Variants in ANKLE2 observed in about 807,000 individuals in gnomAD.
ANKLE2 encodes ankyrin repeat and LEM domain containing 2, also known as ankyrin repeat and LEM domain-containing protein 2.
A neutral mutation model predicts 84.2 loss-of-function variants in ANKLE2; 55 were observed. The ratio of observed to expected loss-of-function variants is 0.65; its 90% CI spans 0.53 to 0.82. The LOEUF is 0.82. ANKLE2 is among the 40% of genes least tolerant of loss of function. ANKLE2 has a pLI of 0.00. For missense variants in ANKLE2, 1,238 were observed against 1,201.9 expected (o/e 1.03, Z -0.44); for synonymous variants, 551 against 486.1 (o/e 1.13, Z -1.76).
intron 5 of ANKLE2, among the ~76,000 whole-genome samples, chr12:132,744,575 G>T (rs1201468327): frequency 1.3e-5 from 2 of 151,964 alleles, no homozygotes; most frequent in Admixed American, 6.6e-5. Flanking sequence ...TCTCTCACAC[G>T]ACCCCAAAAA....
At chr12:132,727,471 C>G in intron 12 of ANKLE2, 28 bp from the exon 13 acceptor site, 2 of 1,549,102 alleles carry the variant, frequency 1.3e-6, no homozygotes, top group Non-Finnish European at 1.7e-6. Flanking sequence ...GAACTGTTAG[C>G]AGACGGGCAC....
intron 8 of ANKLE2, 137 bp from the exon 9 acceptor site, chr12:132,735,649 C>T: frequency 2.9e-6 from 2 of 683,390 alleles, no homozygotes; most frequent in East Asian, 2.7e-5. Flanking sequence ...TAGCAGATCC[C>T]TGGGCCACGT....
intron 5 of ANKLE2, among the ~76,000 whole-genome samples, chr12:132,746,574 A>G (rs913838569): frequency 6.6e-6 from 1 of 152,080 alleles, no homozygotes; most frequent in Non-Finnish European, 1.5e-5. Flanking sequence ...CAACTGCCCA[A>G]TTGTTGTACT....
rs1566024995 is a variant in ANKLE2, at chr12:132,743,286, G to GGTGC, written c.1231-14_1231-11dup. On this transcript the variant is annotated splice_polypyrimidine_tract_variant and intron_variant, in intron 5 of 12. Coordinates refer to ENST00000357997, the MANE Select transcript of ANKLE2 (RefSeq NM_015114.3). This position sits in a 1 kb window ranked among gnomAD's most constrained non-coding sequence, Gnocchi z 4.1. ...ACGGTGTGTCATAGCCCTGAAAAAA[G>GGTGC]GTGCAGAGGAAGTACAATTATTCAC... The GGTGC allele has an allele frequency of 6.3e-7, 1 of 1,589,682 alleles. No homozygotes were observed. Among genetic ancestry groups the GGTGC allele is most frequent in the Admixed American group, 1.8e-5 (1 of 56,534 alleles).
chr12:132,727,080 C>A lies in ANKLE2; in HGVS notation c.*162G>T. Reference sequence around the variant, plus strand: ...TAACTTCTTCCAAAATATCAGAAATCTAAGTGTTATATAGAACATTTAAAT... The same window carrying A: ...TAACTTCTTCCAAAATATCAGAAATATAAGTGTTATATAGAACATTTAAAT... On this transcript the variant is annotated 3_prime_UTR_variant, in exon 13 of 13. Coordinates refer to ENST00000357997, the MANE Select transcript of ANKLE2 (RefSeq NM_015114.3). The A allele has an allele frequency of 1.4e-6, 1 of 708,838 alleles. No individual in the cohort carries two copies. 43.9% of individuals were successfully genotyped at this position (708,838 alleles called of 1,614,324 possible).
intron 2 of ANKLE2, 101 bp from the exon 3 acceptor site, chr12:132,750,950 C>T: frequency 9.5e-7 from 1 of 1,049,392 alleles, no homozygotes; most frequent in Non-Finnish European, 1.4e-6. Context: ...CATCTGCTAC[C>T]CAGTCGCCTG....
chr12:132,750,916 C>T, intron 2 of ANKLE2, 67 bp from the exon 3 acceptor site: 2 of 1,409,822 alleles, frequency 1.4e-6, no homozygotes, highest in Non-Finnish European at 2.0e-6. Flanking sequence ...CTGGCCATGC[C>T]CTGGGCCTAA....
chr12:132,732,569 A>G (rs1342186949), intron 10 of ANKLE2, among the ~76,000 whole-genome samples: 40 of 85,260 alleles, frequency 4.7e-4, no homozygotes, highest in African/African-American at 1.8e-3. Flanking sequence ...CGTGTGAAGC[A>G]CTGCGCGTCC....
chr12:132,747,948 CCA>C lies in ANKLE2; in HGVS notation c.1112_1113del (p.Leu371ArgfsTer7), dbSNP rs1304266254. The C allele has an allele frequency of 6.2e-7, 1 of 1,600,356 alleles. No homozygotes were observed. The highest frequency in any genetic ancestry group is 1.8e-5 in the Admixed American group (1 of 54,124). ...ATGAAGTCAGGGTTCTCCAGGACGT[CCA>C]GAGTCAGCTGGCAGATGGAAGCCTG... ...ENQASICQLT[L>X]DVLENPDFMR... On this transcript the variant is annotated frameshift_variant, in exon 5 of 13. Coordinates refer to ENST00000357997, the MANE Select transcript of ANKLE2 (RefSeq NM_015114.3). LOFTEE classifies it high-confidence loss of function.
Position 132,726,142 on chromosome 12 carries a change from A to C in ANKLE2, c.*1100T>G, listed in dbSNP as rs560391041. On this transcript the variant is annotated 3_prime_UTR_variant, in exon 13 of 13. Coordinates refer to ENST00000357997, the MANE Select transcript of ANKLE2 (RefSeq NM_015114.3). Reference sequence around the variant, plus strand: ...TTTCATTTTGGATTAAACACTGGAAATGTTCACAGAGAAACAACTGTGTGA... The same window carrying C: ...TTTCATTTTGGATTAAACACTGGAACTGTTCACAGAGAAACAACTGTGTGA... 1.3e-5 allele frequency: 2 copies of C among 152,656 alleles called. No homozygotes were observed. Among genetic ancestry groups the C allele is most frequent in the African/African-American group, 4.8e-5 (2 of 41,582 alleles). 9.5% of individuals were successfully genotyped at this position (152,656 alleles called of 1,614,324 possible). A position where few individuals can be genotyped will look rare whatever the true frequency, so the allele number is the denominator to read the frequency against.
At position 132,725,718 on chromosome 12, in the gene ANKLE2, CAAT is replaced by C. The variant is rs2043687712; in HGVS notation, c.*1521_*1523del. On this transcript the variant is annotated 3_prime_UTR_variant, in exon 13 of 13. Coordinates refer to ENST00000357997, the MANE Select transcript of ANKLE2 (RefSeq NM_015114.3). ...ATTTGAATTTACAACCATATACAGA[CAAT>C]ATGGTAAGATTTTAGAGAAAACAGA... 1 of 152,172 alleles carries C rather than the reference CAAT, an allele frequency of 6.6e-6. No individual in the cohort carries two copies. Among genetic ancestry groups the C allele is most frequent in the South Asian group, 2.1e-4 (1 of 4,828 alleles). 9.4% of individuals were successfully genotyped at this position (152,172 alleles called of 1,614,324 possible).
intron 9 of ANKLE2, chr12:132,734,878 C>T (rs374097673): frequency 1.4e-4 from 53 of 378,344 alleles, no homozygotes; most frequent in Middle Eastern, 7.1e-4. Context: ...TCAACTCCCA[C>T]AGACGGACGT....
At chr12:132,741,205 G>T (rs141701972) in intron 7 of ANKLE2, among the ~76,000 whole-genome samples, 1 of 152,354 alleles carries the variant, frequency 6.6e-6, no homozygotes, top group African/African-American at 2.4e-5. Flanking sequence ...TCAAGGAACA[G>T]ATACAAGACT....
rs772299133 is a variant in ANKLE2 at position 132,730,008 on chromosome 12, G to C, written c.2154C>G (p.Ala718=). The C allele has an allele frequency of 4.3e-6, 7 of 1,613,268 alleles. No homozygotes were observed. The highest frequency in any genetic ancestry group is 1.7e-4 in the Middle Eastern group (1 of 6,056). The change falls in exon 11 of 13, where the codon GCC becomes GCG. Residue 718 remains alanine, a synonymous_variant. Coordinates refer to ENST00000357997, the MANE Select transcript of ANKLE2 (RefSeq NM_015114.3). ...GCAGATGGGCTTCCTCCCCACGGGG[G>C]GCCTTTGGTCTCTTGCCCGCCAGGG... is the stretch of plus-strand genomic sequence containing the variant. ...SRTLAGKRPK[A]PRGEEAHLPP... is the part of the protein sequence containing the mutation.
chr12:132,729,052 A>G (rs1210569473), intron 11 of ANKLE2, among the ~76,000 whole-genome samples: 4 of 151,942 alleles, frequency 2.6e-5, no homozygotes, highest in Non-Finnish European at 5.9e-5. Flanking sequence ...CGGCAAGTCC[A>G]CACAAAAGCT....
rs1293228153 is a variant in ANKLE2, at chr12:132,742,992, G to C, written c.1353+162C>G. 2.0e-5 allele frequency among the ~76,000 whole-genome samples: 3 copies of C among 152,238 alleles called. No individual in the cohort carries two copies. The East Asian group carries it at 5.8e-4, about 29-fold the overall frequency. ...TCTACAGATGCATCTTCTTCACAAA[G>C]TGCATCTTACTCAACAGCCAAGGTT... is the stretch of plus-strand genomic sequence containing the variant. On this transcript the variant is annotated intron_variant, in intron 6 of 12. Transcript: ENST00000357997.
intron 7 of ANKLE2, among the ~76,000 whole-genome samples, chr12:132,740,699 C>T (rs987916064): frequency 6.6e-6 from 1 of 152,072 alleles, no homozygotes; most frequent in Non-Finnish European, 1.5e-5. Flanking sequence ...AGGAAGATGG[C>T]AGGGAAAAGC....
At chr12:132,738,008 CCTCCAA>C (rs2136129800) in intron 7 of ANKLE2, 1 of 152,472 alleles carries the variant, frequency 6.6e-6, no homozygotes, top group Admixed American at 6.5e-5. Context: ...TCCACCTCCA[CCTCCAA>C]AAGTTCTGGG....
Position 132,727,133 on chromosome 12 carries a change from G to T in ANKLE2, c.*109C>A. On this transcript the variant is annotated 3_prime_UTR_variant, in exon 13 of 13. Coordinates refer to ENST00000357997, the MANE Select transcript of ANKLE2 (RefSeq NM_015114.3). ...TCTAAAATTCTCACACCCTCAAAGT[G>T]AGGAGTAATAATTTAATCAGAATAT... 1 of 1,130,416 alleles carries T rather than the reference G, an allele frequency of 8.8e-7. No homozygotes were observed. Among genetic ancestry groups the T allele is most frequent in the Non-Finnish European group, 1.2e-6 (1 of 829,242 alleles). The allele number at this position is 1,130,416 out of a possible 1,614,324, so 70.0% of individuals were successfully genotyped here. A position where few individuals can be genotyped will look rare whatever the true frequency, so the allele number is the denominator to read the frequency against.
Sources: gnomAD v4.1 joint callset for allele counts (sites outside exome capture counted in the v4.1 genomes callset) on GRCh38, gnomAD v4.1.1 for gene constraint, Gnocchi (gnomAD v3.1) non-coding constraint, MANE v1.5 for transcripts, NCBI Gene and HGNC (gene_info 2026-07-23, HGNC 2026-07-21) for gene names.